Variants in DNHD1 observed in about 807,000 individuals in gnomAD.
DNHD1 encodes dynein heavy chain domain 1, also known as dynein heavy chain domain-containing protein 1.
DNHD1 carries 383 observed loss-of-function variants against 458.1 expected under a neutral mutation model. That is an observed-to-expected ratio of 0.84 (90% CI 0.77 to 0.91). The LOEUF (loss-of-function observed/expected upper bound fraction) is 0.91, where lower values mean the gene tolerates loss of function less well. DNHD1 is among the 40% of genes least tolerant of loss of function. The pLI is 0.00. For missense variants in DNHD1, 5,336 were observed against 5,866.1 expected (o/e 0.91, Z 2.95); for synonymous variants, 2,203 against 2,376.9 (o/e 0.93, Z 2.13).
rs1322260650 is a variant in DNHD1, at chr11:6,548,055, G to A, written c.6905+15G>A. ...CTTCCCTCCAGGTACCTACCAGGAT[G>A]GGGGATGGGAGATGCAGAGGGCTGA... On this transcript the variant is annotated intron_variant, in intron 22 of 42. Coordinates refer to ENST00000254579, the MANE Select transcript of DNHD1 (RefSeq NM_144666.3). The surrounding 1 kb of genome is among the most constrained non-coding windows in gnomAD (Gnocchi z 4.4). The A allele has an allele frequency of 9.7e-6, 15 of 1,551,568 alleles. No homozygotes were observed. The highest frequency in any genetic ancestry group is 9.6e-5 in the African/African-American group (7 of 73,048).
chr11:6,546,865 G>C lies in DNHD1; in HGVS notation c.5926G>C (p.Glu1976Gln). The C allele has an allele frequency of 1.3e-6, 2 of 1,551,774 alleles. No homozygotes were observed. Among genetic ancestry groups the C allele is most frequent in the South Asian group, 2.4e-5 (2 of 84,062 alleles). Residue 1976 changes from glutamate (E) to glutamine (Q), a missense_variant, in exon 21 of 43, where the codon GAA becomes CAA. Transcript: ENST00000254579. ...DPSPDILGSL[E>Q]QLSQALSRAS... The stretch of plus-strand genomic sequence containing the variant: ...CAGCCCTGACATTTTGGGGTCCTTG[G>C]AACAGTTGAGCCAGGCCCTGAGCCG...
rs1196809390 is a variant in DNHD1, at chr11:6,509,095, CG to C, written c.1124+14del. ...AAGTCCTTTACCTGGTAGGTAATGA[CG>C]GATATGTGATTTGGGGGGAAATGGA... On this transcript the variant is annotated intron_variant, in intron 5 of 42. Coordinates refer to ENST00000254579, the MANE Select transcript of DNHD1 (RefSeq NM_144666.3). 1.9e-6 allele frequency: 3 copies of C among 1,613,886 alleles called. No homozygotes were observed. The African/African-American group carries it at 4.0e-5, about 22-fold the overall frequency.
In DNHD1 at chr11:6,558,242, C is replaced by T. The variant is rs899907794; in HGVS notation, c.8947C>T (p.Pro2983Ser). Reference protein sequence around the residue: ...ADLDRIGEHLPRENLGVKQNI... With the variant: ...ADLDRIGEHLSRENLGVKQNI... ...TTTGGACCGCATTGGAGAACACCTC[C>T]CCAGGGAGAACCTTGGTGTCAAACA... The change falls in exon 25 of 43, where the codon CCC becomes TCC. Residue 2983 changes from proline to serine, a missense_variant. Pro to Ser is a moderately conservative substitution (Grantham distance 74, BLOSUM62 -1). Coordinates refer to ENST00000254579, the MANE Select transcript of DNHD1 (RefSeq NM_144666.3). 6.4e-7 allele frequency: 1 copy of T among 1,551,682 alleles called. No homozygotes were observed. Among genetic ancestry groups the T allele is most frequent in the Admixed American group, 2.0e-5 (1 of 51,012 alleles).
At chr11:6,535,170 G>A (rs11040913) in intron 14 of DNHD1, among the ~76,000 whole-genome samples, 40,653 of 152,134 alleles carry the variant, frequency 0.27, 5,961 homozygotes, top group Non-Finnish European at 0.34. Context: ...AATGTTGTGA[G>A]CTTGTTTTAT....
Position 6,546,672 on chromosome 11 carries a change from A to ACTGCATGCCCTG in DNHD1, c.5737_5738insATGCCCTGCTGC (p.Leu1912_Arg1913insHisAlaLeuLeu), listed in dbSNP as rs1853225559. 2 of 1,551,252 alleles carry ACTGCATGCCCTG rather than the reference A, an allele frequency of 1.3e-6. No individual in the cohort carries two copies. Among genetic ancestry groups the ACTGCATGCCCTG allele is most frequent in the African/African-American group, 1.4e-5 (1 of 72,888 alleles). On this transcript the variant is annotated inframe_insertion, in exon 21 of 43. Transcript: ENST00000254579. ...TAGCTGCCATTGAGGAGGCTGCCCT[A>ACTGCATGCCCTG]CTGCGCTCACCACTGTTTAGCATTC...
intron 10 of DNHD1, 41 bp downstream of exon 10, chr11:6,520,330 G>A: frequency 1.3e-6 from 2 of 1,551,464 alleles, no homozygotes; most frequent in Non-Finnish European, 8.7e-7. Flanking sequence ...AAGGCTGAAG[G>A]AGGGAAAGGG....
Position 6,538,651 on chromosome 11 carries a change from C to T in DNHD1, c.3166C>T (p.Leu1056=). Residue 1056 remains leucine, a synonymous_variant, in exon 16 of 43, where the codon CTG becomes TTG. Coordinates refer to ENST00000254579, the MANE Select transcript of DNHD1 (RefSeq NM_144666.3). ...GGCCCAGGAGAAGACAGAGGGCTGG[C>T]TGACAGAGGCAGCACGGATGAGCAC... ...AMAQEKTEGW[L]TEAARMSTTL... 1 of 1,545,780 alleles carries T rather than the reference C, an allele frequency of 6.5e-7. No individual in the cohort carries two copies. The highest frequency in any genetic ancestry group is 8.8e-7 in the Non-Finnish European group (1 of 1,142,800).
Position 6,556,961 on chromosome 11 carries a change from G to A in DNHD1, c.7666G>A (p.Glu2556Lys), listed in dbSNP as rs559912464. The change falls in exon 25 of 43, where the codon GAG becomes AAG. Residue 2556 changes from glutamate (E) to lysine (K), a missense_variant. Transcript: ENST00000254579. ...TGAGCGTTTCCCTTCTGTGGAACGG[G>A]AGCGTGCTCTGGCACGAGGTCTGGT... ...WLERFPSVER[E>K]RALARGLVRA... The A allele has an allele frequency of 1.3e-6, 2 of 1,551,724 alleles. No homozygotes were observed. The highest frequency in any genetic ancestry group is 2.0e-5 in the Admixed American group (1 of 51,010).
chr11:6,530,992 G>A (rs1052737027), intron 12 of DNHD1, among the ~76,000 whole-genome samples: 2 of 152,148 alleles, frequency 1.3e-5, no homozygotes, highest in Non-Finnish European at 2.9e-5. Context: ...AGATTACTGT[G>A]TTTTAGTTTC....
Position 6,539,926 on chromosome 11 carries a change from G to T in DNHD1, c.3471G>T (p.Arg1157=), listed in dbSNP as rs1853059275. The T allele has an allele frequency of 2.6e-6, 4 of 1,551,762 alleles. No homozygotes were observed. Residue 1157 remains arginine, a synonymous_variant, in exon 18 of 43, where the codon CGG becomes CGT. Coordinates refer to ENST00000254579, the MANE Select transcript of DNHD1 (RefSeq NM_144666.3). ...ERIHAQETIR[R]LQRYWEARQL... is the part of the protein sequence containing the mutation. ...TTCATGCCCAAGAGACTATACGGCGGTTGCAGCGGTACTGGGAAGCGCGCC... is the reference window on the plus strand; with the variant it reads ...TTCATGCCCAAGAGACTATACGGCGTTTGCAGCGGTACTGGGAAGCGCGCC...
intron 19 of DNHD1, 88 bp from the exon 20 acceptor site, chr11:6,544,486 A>C (rs1853164217): frequency 1.7e-6 from 2 of 1,155,620 alleles, no homozygotes; most frequent in Non-Finnish European, 2.5e-6. Context: ...CTGGTGGGGT[A>C]CCTGAGAGGT....
intron 7 of DNHD1, among the ~76,000 whole-genome samples, chr11:6,514,161 T>G (rs1852407007): frequency 6.6e-6 from 1 of 152,140 alleles, no homozygotes; most frequent in South Asian, 2.1e-4. Context: ...TGGAGTGCAG[T>G]GGTGTGATCT....
In DNHD1 at chr11:6,511,295, G is replaced by C. The variant is rs761595007; in HGVS notation, c.1258G>C (p.Val420Leu). The C allele has an allele frequency of 2.5e-6, 4 of 1,614,094 alleles. No homozygotes were observed. The highest frequency in any genetic ancestry group is 3.4e-6 in the Non-Finnish European group (4 of 1,180,036). The change falls in exon 7 of 43, where the codon GTG becomes CTG. Residue 420 changes from valine to leucine, a missense_variant. Val to Leu is a conservative substitution (Grantham distance 32, BLOSUM62 1). Around this residue, in one of 4 missense-constraint regions of DNHD1, gnomAD observed 3,932 missense variants for 4,365.6 expected, o/e 0.90. Coordinates refer to ENST00000254579, the MANE Select transcript of DNHD1 (RefSeq NM_144666.3). ...TAGGCTTCTGCAGGAGCTACACTCT[G>C]TGTCCTGGCTACCCCAGGAACTGGA... ...ISRLLQELHS[V>L]SWLPQELDRC... is the part of the protein sequence containing the mutation.
Position 6,572,015 on chromosome 11 carries a change from A to T in DNHD1, c.*29A>T. The T allele has an allele frequency of 6.4e-7, 1 of 1,573,070 alleles. No homozygotes were observed. The highest frequency in any genetic ancestry group is 8.7e-7 in the Non-Finnish European group (1 of 1,155,340). On this transcript the variant is annotated 3_prime_UTR_variant, in exon 43 of 43. Coordinates refer to ENST00000254579, the MANE Select transcript of DNHD1 (RefSeq NM_144666.3). ...CGTCTACCAAAATAAAGTTGTAGTGATTCCATGAAAGATTTCTGAGATATG... is the reference window on the plus strand; with the variant it reads ...CGTCTACCAAAATAAAGTTGTAGTGTTTCCATGAAAGATTTCTGAGATATG...
chr11:6,566,742 T>G lies in DNHD1; in HGVS notation c.11362T>G (p.Cys3788Gly). ...QDLKIRALDT[C>G]KAVEAAEERL... is the part of the protein sequence containing the mutation. ...CCTAAAGATCAGAGCCCTAGATACC[T>G]GCAAGGCTGTGGAGGCTGCTGAGGT... is the stretch of plus-strand genomic sequence containing the variant. Residue 3788 changes from cysteine (C) to glycine (G), a missense_variant, in exon 35 of 43, where the codon TGC (cysteine) becomes GGC (glycine). By Grantham distance (159) the Cys-to-Gly change is radical (BLOSUM62 -3). Around this residue, in one of 4 missense-constraint regions of DNHD1, gnomAD observed 695 missense variants for 804.2 expected, o/e 0.86. Transcript: ENST00000254579. 1 of 1,610,812 alleles carries G rather than the reference T, an allele frequency of 6.2e-7. No individual in the cohort carries two copies. The highest frequency in any genetic ancestry group is 8.5e-7 in the Non-Finnish European group (1 of 1,178,500).
chr11:6,514,022 A>AT (rs1852402887), intron 7 of DNHD1, among the ~76,000 whole-genome samples: 1 of 151,180 alleles, frequency 6.6e-6, no homozygotes, highest in African/African-American at 2.4e-5. Flanking sequence ...TTTTTTTTGT[A>AT]TTTTTAGTAG....
chr11:6,534,346 T>C, intron 14 of DNHD1, 173 bp downstream of exon 14: 3 of 697,700 alleles, frequency 4.3e-6, no homozygotes, highest in Non-Finnish European at 7.0e-6. Flanking sequence ...ACATCATATA[T>C]TGACCATGGC....
Position 6,534,154 on chromosome 11 carries a change from C to G in DNHD1, c.2979C>G (p.His993Gln), listed in dbSNP as rs568985099. ...TCAGCGACCTCAGTGAACTGCACCA[C>G]GCCTATGCCATCTTCACTGGTACTG... is the stretch of plus-strand genomic sequence containing the variant. ...NTVSDLSELHHAYAIFTEDET... is the reference protein window; with the variant it reads ...NTVSDLSELHQAYAIFTEDET... The change falls in exon 14 of 43, where the codon CAC (histidine) becomes CAG (glutamine). Residue 993 changes from histidine (H) to glutamine (Q), a missense_variant. His to Gln is a conservative substitution (Grantham distance 24, BLOSUM62 0). Transcript: ENST00000254579. The G allele has an allele frequency of 6.4e-7, 1 of 1,551,100 alleles. No homozygotes were observed. Among genetic ancestry groups the G allele is most frequent in the Non-Finnish European group, 8.7e-7 (1 of 1,146,876 alleles).
At chr11:6,527,917 A>C (rs963499919) in intron 10 of DNHD1, among the ~76,000 whole-genome samples, 3 of 152,236 alleles carry the variant, frequency 2.0e-5, no homozygotes, top group Non-Finnish European at 4.4e-5. Context: ...ATAACTGAGG[A>C]CTGGCATGTT....
Sources: gnomAD v4.1 joint callset for allele counts (sites outside exome capture counted in the v4.1 genomes callset) on GRCh38, gnomAD v4.1.1 for gene constraint, gnomAD v4.1.1 regional missense constraint, Gnocchi (gnomAD v3.1) non-coding constraint, MANE v1.5 for transcripts, NCBI Gene and HGNC (gene_info 2026-07-23, HGNC 2026-07-21) for gene names.